The following DPYSL2 variants were observed in gnomAD, a reference collection of about 807,000 sequenced individuals.
The protein encoded by DPYSL2 is dihydropyrimidinase like 2.
DPYSL2 carries 13 observed loss-of-function variants against 69.9 expected under a neutral mutation model. The observed-to-expected ratio is 0.19, with a 90% CI of 0.12 to 0.30. DPYSL2 has a LOEUF of 0.30. DPYSL2 is among the 10% of genes least tolerant of loss of function. The pLI is 1.00. For missense variants in DPYSL2, 587 were observed against 918.9 expected (o/e 0.64, Z 4.67); for synonymous variants, 326 against 359.1 (o/e 0.91, Z 1.04).
chr8:26,654,642 G>C lies in DPYSL2; in HGVS notation c.1943-973G>C, dbSNP rs1015719985. 6.6e-6 allele frequency among the ~76,000 whole-genome samples: 1 copy of C among 152,134 alleles called. No individual in the cohort carries two copies. Among genetic ancestry groups the C allele is most frequent in the African/African-American group, 2.4e-5 (1 of 41,424 alleles). On this transcript the variant is annotated intron_variant, in intron 13 of 13. Transcript: ENST00000521913. The surrounding 1 kb of genome is among the most constrained non-coding windows in gnomAD (Gnocchi z 5.0). Reference sequence around the variant, plus strand: ...TTATATGTGTAGGATTAGGGGATTAGAATGCCAGAAGAGGGCTATGTCCTC... The same window carrying C: ...TTATATGTGTAGGATTAGGGGATTACAATGCCAGAAGAGGGCTATGTCCTC...
In DPYSL2 at chr8:26,605,107, A is replaced by C. The variant is rs988443174; in HGVS notation, c.629-19036A>C. Reference sequence around the variant, plus strand: ...CACCCAGTCACCTGAACTTCCATTTAACATCAGGTCCCTGGCCATGGGACT... The same window carrying C: ...CACCCAGTCACCTGAACTTCCATTTCACATCAGGTCCCTGGCCATGGGACT... On this transcript the variant is annotated intron_variant, in intron 3 of 13. Coordinates refer to ENST00000521913, the MANE Select transcript of DPYSL2 (RefSeq NM_001197293.3). The surrounding 1 kb of genome is among the most constrained non-coding windows in gnomAD (Gnocchi z 4.1). 2.0e-5 allele frequency among the ~76,000 whole-genome samples: 3 copies of C among 152,072 alleles called. No homozygotes were observed. Among genetic ancestry groups the C allele is most frequent in the Admixed American group, 6.5e-5 (1 of 15,268 alleles).
chr8:26,524,640 A>G (rs1172272356), intron 1 of DPYSL2, among the ~76,000 whole-genome samples: 3 of 151,898 alleles, frequency 2.0e-5, no homozygotes, highest in Non-Finnish European at 4.4e-5. Flanking sequence ...TCTACTAAAC[A>G]TACAAAAATT....
At chr8:26,524,801 C>CAAAAAAA (rs753822230) in intron 1 of DPYSL2, among the ~76,000 whole-genome samples, 8 of 41,110 alleles carry the variant, frequency 1.9e-4, no homozygotes, top group South Asian at 1.9e-3. Context: ...GACTCTGTCT[C>CAAAAAAA]AAAAAAAAAA....
chr8:26,630,015 A>G (rs1802726572), intron 7 of DPYSL2, among the ~76,000 whole-genome samples: 1 of 152,256 alleles, frequency 6.6e-6, no homozygotes, highest in African/African-American at 2.4e-5. Context: ...ACAGACATGC[A>G]CGTGTACACA....
chr8:26,589,566 G>C (rs780488314), intron 3 of DPYSL2, among the ~76,000 whole-genome samples: 5 of 152,202 alleles, frequency 3.3e-5, no homozygotes, highest in Admixed American at 6.5e-5. Context: ...GGTATCCGAC[G>C]TGGACTGTGT....
At chr8:26,538,777 T>C (rs1054362713) in intron 1 of DPYSL2, among the ~76,000 whole-genome samples, 2 of 151,996 alleles carry the variant, frequency 1.3e-5, no homozygotes, top group African/African-American at 2.4e-5. Context: ...GCACAGTCAC[T>C]GCAGTGAGTG....
At chr8:26,545,485 C>T (rs1217294136) in intron 1 of DPYSL2, among the ~76,000 whole-genome samples, 1 of 152,168 alleles carries the variant, frequency 6.6e-6, no homozygotes, top group Non-Finnish European at 1.5e-5. Flanking sequence ...CCTGTAATCT[C>T]GGCACTTTGG....
chr8:26,600,744 C>T (rs1357125120), intron 3 of DPYSL2, among the ~76,000 whole-genome samples: 2 of 152,170 alleles, frequency 1.3e-5, no homozygotes, highest in Non-Finnish European at 2.9e-5. Flanking sequence ...ACTGAGGACC[C>T]TTGAGCCCTC....
rs184422518 is a variant in DPYSL2 at position 26,627,682 on chromosome 8, C to G, written c.937-190C>G. ...TGGGTTTTGGGAGGCTGTAATTGAT[C>G]CATCCTGCTCAGGCGGGACTGGGAA... On this transcript the variant is annotated intron_variant, in intron 6 of 13. Coordinates refer to ENST00000521913, the MANE Select transcript of DPYSL2 (RefSeq NM_001197293.3). The surrounding 1 kb of genome is among the most constrained non-coding windows in gnomAD (Gnocchi z 6.9). 2.6e-5 allele frequency among the ~76,000 whole-genome samples: 4 copies of G among 152,324 alleles called. No individual in the cohort carries two copies. The highest frequency in any genetic ancestry group is 2.0e-4 in the Admixed American group (3 of 15,300).
intron 1 of DPYSL2, among the ~76,000 whole-genome samples, chr8:26,522,622 G>T (rs931485933): frequency 1.3e-5 from 2 of 152,020 alleles, no homozygotes; most frequent in African/African-American, 2.4e-5. Context: ...CTTTTCTCCT[G>T]CTTTATGGGC....
At chr8:26,569,386 ACC>A (rs377049869) in intron 1 of DPYSL2, among the ~76,000 whole-genome samples, 17 of 147,386 alleles carry the variant, frequency 1.2e-4, no homozygotes, top group Middle Eastern at 3.5e-3. Flanking sequence ...ACAAAAAAAA[ACC>A]AAAGAAAAAC....
At chr8:26,534,382 C>T (rs1800558726) in intron 1 of DPYSL2, among the ~76,000 whole-genome samples, 1 of 151,974 alleles carries the variant, frequency 6.6e-6, no homozygotes, top group Non-Finnish European at 1.5e-5. Flanking sequence ...TGGTCTCGAA[C>T]TCCTGGGCTC....
chr8:26,582,081 G>A lies in DPYSL2; in HGVS notation c.443+24G>A. 1 of 1,580,758 alleles carries A rather than the reference G, an allele frequency of 6.3e-7. No individual in the cohort carries two copies. Among genetic ancestry groups the A allele is most frequent in the Non-Finnish European group, 8.7e-7 (1 of 1,150,990 alleles). On this transcript the variant is annotated intron_variant, in intron 2 of 13. Coordinates refer to ENST00000521913, the MANE Select transcript of DPYSL2 (RefSeq NM_001197293.3). This position sits in a 1 kb window ranked among gnomAD's most constrained non-coding sequence, Gnocchi z 4.1. ...AAGTAAGTGTAACTCATGATATACA[G>A]ATGTATTTGAACACTTTCCAGACTT... is the stretch of plus-strand genomic sequence containing the variant.
chr8:26,633,695 C>G (rs1208301264), intron 7 of DPYSL2, among the ~76,000 whole-genome samples: 1 of 151,716 alleles, frequency 6.6e-6, no homozygotes, highest in East Asian at 1.9e-4. Flanking sequence ...AGGCTGGTCT[C>G]GAACTCCTGA....
chr8:26,568,689 C>T (rs568003621), intron 1 of DPYSL2, among the ~76,000 whole-genome samples: 11 of 125,214 alleles, frequency 8.8e-5, no homozygotes, highest in Admixed American at 3.2e-4. Context: ...TTGATCATGG[C>T]GGATTCTTTT....
At chr8:26,577,348 C>A (rs1224865181) in intron 1 of DPYSL2, 2 of 203,634 alleles carry the variant, frequency 9.8e-6, no homozygotes, top group Non-Finnish European at 2.0e-5. Context: ...AGTCCTCAGC[C>A]GCGCCAGGGC....
chr8:26,535,132 A>T (rs765767333), intron 1 of DPYSL2, among the ~76,000 whole-genome samples: 2 of 152,218 alleles, frequency 1.3e-5, no homozygotes, highest in African/African-American at 4.8e-5. Flanking sequence ...GGGTGCCAGC[A>T]TGATTGGGTT....
At chr8:26,556,143 AGT>A (rs1563384876) in intron 1 of DPYSL2, among the ~76,000 whole-genome samples, 1 of 2,294 alleles carries the variant, frequency 4.4e-4, no homozygotes, top group African/African-American at 1.2e-3. Flanking sequence ...TACTATATAT[AGT>A]ATATACTATA....
chr8:26,628,930 G>A (rs1163097070), intron 7 of DPYSL2, among the ~76,000 whole-genome samples: 3 of 152,236 alleles, frequency 2.0e-5, no homozygotes, highest in Non-Finnish European at 2.9e-5. Flanking sequence ...GAGGGGAGCC[G>A]GTCCCTGTGA....
Sources: allele counts gnomAD v4.1 joint callset (sites outside exome capture counted in the v4.1 genomes callset), GRCh38; gene constraint gnomAD v4.1.1; non-coding constraint Gnocchi (gnomAD v3.1); transcripts MANE v1.5; gene names NCBI Gene and HGNC (gene_info 2026-07-23, HGNC 2026-07-21).